DLGAP2: variants seen among roughly 807,000 people sequenced by gnomAD.
DLGAP2 encodes disks large-associated protein 2.
A neutral mutation model predicts 100.3 loss-of-function variants in DLGAP2; 26 were observed. The ratio of observed to expected loss-of-function variants is 0.26; its 90% CI spans 0.19 to 0.36. The LOEUF is 0.36. Among genes scored for constraint, DLGAP2 ranks in the 10% least tolerant of loss-of-function variants. The pLI is 1.00. For synonymous variants in DLGAP2, 886 were observed against 630.1 expected, an observed-to-expected ratio of 1.41 and a Z score of -6.08; for missense variants, 1,858 against 1,453.2, an observed-to-expected ratio of 1.28 and a Z score of -4.53.
intron 2 of DLGAP2, among the ~76,000 whole-genome samples, chr8:1,066,723 G>T (rs1323136131): frequency 1.3e-5 from 2 of 152,212 alleles, no homozygotes; most frequent in African/African-American, 2.4e-5. Context: ...GCTCCACCAC[G>T]ACTGGCCTGT....
chr8:1,390,751 C>T (rs1796332103), intron 3 of DLGAP2, among the ~76,000 whole-genome samples: 1 of 152,188 alleles, frequency 6.6e-6, no homozygotes, highest in Non-Finnish European at 1.5e-5. Flanking sequence ...GAGAATACTG[C>T]AGGTGGATTT....
intron 3 of DLGAP2, among the ~76,000 whole-genome samples, chr8:1,291,943 A>T (rs1484043170): frequency 6.6e-6 from 1 of 152,118 alleles, no homozygotes; most frequent in Non-Finnish European, 1.5e-5. Context: ...ACTCTTAATC[A>T]CACAATCCAG....
intron 2 of DLGAP2, among the ~76,000 whole-genome samples, chr8:1,046,967 T>TG (rs894150472): frequency 3.3e-5 from 5 of 151,872 alleles, no homozygotes; most frequent in African/African-American, 1.2e-4. Flanking sequence ...AATAGGTTTT[T>TG]TTTAATAATA....
chr8:1,313,635 G>T (rs971269120), intron 3 of DLGAP2, among the ~76,000 whole-genome samples: 1 of 152,122 alleles, frequency 6.6e-6, no homozygotes, highest in African/African-American at 2.4e-5. Context: ...GTGGATTCAG[G>T]CTTCACAGCG....
intron 2 of DLGAP2, among the ~76,000 whole-genome samples, chr8:950,068 T>C (rs1199567483): frequency 6.6e-6 from 1 of 152,150 alleles, no homozygotes; most frequent in Non-Finnish European, 1.5e-5. Context: ...TAGGACGCCT[T>C]ATCTGCCCGG....
At chr8:795,167 C>T (rs1031989674) in intron 1 of DLGAP2, among the ~76,000 whole-genome samples, 1 of 152,216 alleles carries the variant, frequency 6.6e-6, no homozygotes, top group Non-Finnish European at 1.5e-5. Flanking sequence ...TCACCGTGAA[C>T]ACTGAACCCT....
intron 2 of DLGAP2, among the ~76,000 whole-genome samples, chr8:910,771 C>T (rs1450531622): frequency 6.6e-6 from 1 of 152,098 alleles, no homozygotes; most frequent in African/African-American, 2.4e-5. Context: ...TGGCTTGAAT[C>T]CAGCACCATC....
intron 2 of DLGAP2, among the ~76,000 whole-genome samples, chr8:1,021,622 C>T (rs770965301): frequency 6.6e-5 from 10 of 152,144 alleles, no homozygotes; most frequent in Non-Finnish European, 1.2e-4. Context: ...TCAGAGACCA[C>T]AGATAATTCA....
chr8:1,428,283 G>T (rs1797293990), intron 3 of DLGAP2, among the ~76,000 whole-genome samples: 1 of 151,996 alleles, frequency 6.6e-6, no homozygotes. Flanking sequence ...ATTTTATGAT[G>T]TAAAATTTAA....
intron 1 of DLGAP2, among the ~76,000 whole-genome samples, chr8:820,623 C>T (rs574765729): frequency 1.8e-4 from 28 of 152,208 alleles, no homozygotes; most frequent in African/African-American, 6.7e-4. Context: ...GAGGCAAAAG[C>T]AAGAAGATTG....
chr8:1,207,277 C>A (rs1300265247), intron 2 of DLGAP2, among the ~76,000 whole-genome samples: 1 of 152,150 alleles, frequency 6.6e-6, no homozygotes, highest in Admixed American at 6.5e-5. Context: ...GTCATTCTTA[C>A]GCCGTTGCAT....
chr8:1,318,612 G>A (rs1006362963), intron 3 of DLGAP2, among the ~76,000 whole-genome samples: 11 of 151,642 alleles, frequency 7.3e-5, no homozygotes, highest in African/African-American at 1.9e-4. Context: ...CGCCGATGTC[G>A]AAAGGCAGTT....
chr8:1,566,044 A>G (rs773593481), intron 6 of DLGAP2, 150 bp downstream of exon 6: 10 of 587,686 alleles, frequency 1.7e-5, no homozygotes, highest in Non-Finnish European at 2.7e-5. Context: ...TCAATTTTCA[A>G]GTATTTTTTT....
At chr8:1,560,892 C>T (rs1802134383) in intron 5 of DLGAP2, among the ~76,000 whole-genome samples, 1 of 152,246 alleles carries the variant, frequency 6.6e-6, no homozygotes, top group East Asian at 1.9e-4. Context: ...TGACCTACAG[C>T]TCTGCAGCTC....
chr8:1,658,834 G>C (rs1391077910), intron 8 of DLGAP2, among the ~76,000 whole-genome samples: 3 of 152,108 alleles, frequency 2.0e-5, no homozygotes, highest in East Asian at 1.9e-4. Flanking sequence ...ATCTCCTTCA[G>C]TTCTGCTGTG....
intron 2 of DLGAP2, among the ~76,000 whole-genome samples, chr8:950,622 C>CTTTTTTTT (rs34631994): frequency 1.5e-5 from 2 of 130,488 alleles, no homozygotes; most frequent in South Asian, 2.5e-4. Context: ...TTTTCTTTTT[C>CTTTTTTTT]TTTTTTTTTT....
chr8:1,161,473 T>C lies in DLGAP2; in HGVS notation c.74-97378T>C, dbSNP rs185040897. Among the ~76,000 whole-genome samples, 28 of 152,282 alleles carry C rather than the reference T, an allele frequency of 1.8e-4. 1 individual carries two copies. Among genetic ancestry groups the C allele is most frequent in the African/African-American group, 6.5e-4 (27 of 41,550 alleles). The stretch of plus-strand genomic sequence containing the variant: ...GGCTCAGCGATCTTGCAAACTGGCC[T>C]AAGAGTGAGGGACAAATTCTGTTGG... On this transcript the variant is annotated intron_variant, in intron 2 of 14. Coordinates refer to ENST00000637795, the MANE Select transcript of DLGAP2 (RefSeq NM_001346810.2).
chr8:1,232,054 G>C (rs1011882454), intron 2 of DLGAP2, among the ~76,000 whole-genome samples: 3 of 152,234 alleles, frequency 2.0e-5, no homozygotes, highest in Non-Finnish European at 1.5e-5. Flanking sequence ...TACCACACAA[G>C]TAGTGAACCA....
intron 2 of DLGAP2, among the ~76,000 whole-genome samples, 176 bp from the exon 3 acceptor site, chr8:1,258,675 A>C (rs1253725439): frequency 6.6e-6 from 1 of 152,186 alleles, no homozygotes; most frequent in Non-Finnish European, 1.5e-5. Flanking sequence ...TTGAAGTAAA[A>C]GTTGCTGGCG....
Sources: allele counts gnomAD v4.1 joint callset (sites outside exome capture counted in the v4.1 genomes callset), GRCh38; gene constraint gnomAD v4.1.1; transcripts MANE v1.5; gene names NCBI Gene and HGNC (gene_info 2026-07-23, HGNC 2026-07-21).